The following CCDC146 variants were observed in gnomAD, a reference collection of about 807,000 sequenced individuals.
The protein encoded by CCDC146 is coiled-coil domain-containing protein 146.
In CCDC146, 92 loss-of-function variants were observed where a neutral mutation model predicts 119.3. The ratio of observed to expected loss-of-function variants is 0.77; its 90% CI spans 0.65 to 0.92. CCDC146 has a LOEUF of 0.92. Ranked by LOEUF, CCDC146 falls within the 40% of genes least tolerant of loss-of-function variation. The pLI is 0.00. For missense variants in CCDC146, 1,000 were observed against 1,103.0 expected (o/e 0.91, Z 1.32); for synonymous variants, 372 against 371.8 (o/e 1.00, Z -0.01).
chr7:77,175,290 C>T (rs1050881122), intron 2 of CCDC146, among the ~76,000 whole-genome samples: 1 of 149,998 alleles, frequency 6.7e-6, no homozygotes, highest in Non-Finnish European at 1.5e-5. Context: ...CTCTTTATTT[C>T]CTGAAAATAA....
At chr7:77,181,510 C>T (rs1584047681) in intron 2 of CCDC146, among the ~76,000 whole-genome samples, 1 of 152,240 alleles carries the variant, frequency 6.6e-6, no homozygotes, top group Non-Finnish European at 1.5e-5. Context: ...AATGTTAAAG[C>T]GGTAACTATG....
At chr7:77,183,991 A>T (rs556383607) in intron 2 of CCDC146, among the ~76,000 whole-genome samples, 1 of 152,186 alleles carries the variant, frequency 6.6e-6, no homozygotes, top group African/African-American at 2.4e-5. Flanking sequence ...TACTGAATGT[A>T]TTTCCTATAT....
At chr7:77,249,407 GAACC>G (rs1562847463) in intron 4 of CCDC146, among the ~76,000 whole-genome samples, 2 of 147,934 alleles carry the variant, frequency 1.4e-5, no homozygotes, top group African/African-American at 5.0e-5. Context: ...AGATTCTCTT[GAACC>G]CAGGAGGCGG....
chr7:77,290,705 G>C (rs1453455377), intron 17 of CCDC146, among the ~76,000 whole-genome samples: 1 of 144,160 alleles, frequency 6.9e-6, no homozygotes, highest in Non-Finnish European at 1.5e-5. Flanking sequence ...ATTTTTATTT[G>C]ATACATGCTG....
chr7:77,162,726 G>A (rs1479029254), intron 1 of CCDC146, among the ~76,000 whole-genome samples: 1 of 151,758 alleles, frequency 6.6e-6, no homozygotes, highest in Non-Finnish European at 1.5e-5. Flanking sequence ...AGATTGCTTT[G>A]TATAGTAAAC....
chr7:77,248,811 G>C (rs1159963233), intron 4 of CCDC146, among the ~76,000 whole-genome samples: 1 of 152,136 alleles, frequency 6.6e-6, no homozygotes, highest in Non-Finnish European at 1.5e-5. Flanking sequence ...CTAGCATCGT[G>C]TCCTCTCATC....
At chr7:77,243,206 AAAAAAC>A (rs1223370869) in intron 4 of CCDC146, among the ~76,000 whole-genome samples, 6 of 152,202 alleles carry the variant, frequency 3.9e-5, no homozygotes, top group East Asian at 1.9e-4. Flanking sequence ...TGCCAAGAGA[AAAAAAC>A]AAAAACAAAA....
At position 77,278,435 on chromosome 7, in the gene CCDC146, A is replaced by ATTTT. The variant is rs140968354; in HGVS notation, c.1441-295_1441-292dup. On this transcript the variant is annotated intron_variant, in intron 11 of 18. Transcript: ENST00000285871. ...GTACAACCCAGCAAGCCAAGAAATA[A>ATTTT]TTTTTTTTTTTTTTTTTTTTTTTTT... Among the ~76,000 whole-genome samples, 527 of 103,246 alleles carry ATTTT rather than the reference A, an allele frequency of 5.1e-3. 8 individuals are homozygous for ATTTT. The highest frequency in any genetic ancestry group is 0.015 in the African/African-American group (344 of 23,362). The allele number at this position is 103,246 out of a possible 152,430, so 67.7% of individuals were successfully genotyped here.
At chr7:77,290,485 A>T (rs994326990) in intron 17 of CCDC146, among the ~76,000 whole-genome samples, 1 of 152,258 alleles carries the variant, frequency 6.6e-6, no homozygotes, top group Non-Finnish European at 1.5e-5. Context: ...AAAGGCAGCA[A>T]CATTTAAAGA....
chr7:77,132,775 CAAAT>C (rs918760602), intron 1 of CCDC146, among the ~76,000 whole-genome samples: 6 of 135,568 alleles, frequency 4.4e-5, no homozygotes, highest in Admixed American at 7.1e-5. Flanking sequence ...AATAAATAAA[CAAAT>C]AAAATTAAGC....
At position 77,282,660 on chromosome 7, in the gene CCDC146, C is replaced by A. The variant is rs753472392; in HGVS notation, c.2023C>A (p.Leu675Met). 2 of 1,612,630 alleles carry A rather than the reference C, an allele frequency of 1.2e-6. No individual in the cohort carries two copies. The highest frequency in any genetic ancestry group is 2.2e-5 in the South Asian group (2 of 91,050). Reference sequence around the variant, plus strand: ...AAATGGAGAAATTGAAATACATCTACTGGAAGAAAAGATCCAATTCCTGAA... The same window carrying A: ...AAATGGAGAAATTGAAATACATCTAATGGAAGAAAAGATCCAATTCCTGAA... ...KLNGEIEIHL[L>M]EEKIQFLKMK... The change falls in exon 15 of 19, where the codon CTG becomes ATG. Residue 675 changes from leucine (L) to methionine (M), a missense_variant. Coordinates refer to ENST00000285871, the MANE Select transcript of CCDC146 (RefSeq NM_020879.3).
intron 2 of CCDC146, among the ~76,000 whole-genome samples, chr7:77,219,801 C>G (rs1275075657): frequency 6.6e-6 from 1 of 152,034 alleles, no homozygotes; most frequent in Non-Finnish European, 1.5e-5. Flanking sequence ...GCCCCCTGAG[C>G]CGCAAAACCA....
intron 2 of CCDC146, among the ~76,000 whole-genome samples, chr7:77,183,931 A>G (rs1023206770): frequency 6.6e-6 from 1 of 152,208 alleles, no homozygotes; most frequent in African/African-American, 2.4e-5. Flanking sequence ...TAAAATAATC[A>G]CATTACTGCA....
intron 2 of CCDC146, among the ~76,000 whole-genome samples, chr7:77,181,986 T>TA (rs1791596918): frequency 6.6e-6 from 1 of 152,184 alleles, no homozygotes; most frequent in African/African-American, 2.4e-5. Flanking sequence ...AAAAAGGAGA[T>TA]ATAAGCAACA....
At chr7:77,214,940 G>C (rs1792268298) in intron 2 of CCDC146, among the ~76,000 whole-genome samples, 1 of 152,002 alleles carries the variant, frequency 6.6e-6, no homozygotes, top group South Asian at 2.1e-4. Flanking sequence ...GATGTTACCT[G>C]CTATTAATAA....
intron 2 of CCDC146, among the ~76,000 whole-genome samples, chr7:77,213,117 A>G (rs1374903174): frequency 1.3e-5 from 2 of 151,522 alleles, no homozygotes; most frequent in African/African-American, 2.4e-5. Flanking sequence ...TTGAGGCAAG[A>G]TCTCACTTGG....
intron 2 of CCDC146, among the ~76,000 whole-genome samples, chr7:77,219,913 A>C (rs1010814335): frequency 9.8e-5 from 15 of 152,326 alleles, no homozygotes; most frequent in Admixed American, 9.8e-4. Flanking sequence ...TTGAGATCAC[A>C]AGGGCAGAGA....
intron 2 of CCDC146, among the ~76,000 whole-genome samples, chr7:77,231,818 G>GTTT (rs71524924): frequency 2.2e-5 from 3 of 137,882 alleles, no homozygotes; most frequent in African/African-American, 5.4e-5. Context: ...TGTTGTTGTT[G>GTTT]TTTTTTTTTT....
At position 77,196,854 on chromosome 7, in the gene CCDC146, C is replaced by T; in HGVS notation, c.156+29030C>T. The T allele has an allele frequency of 6.2e-7, 1 of 1,613,940 alleles. No individual in the cohort carries two copies. The stretch of plus-strand genomic sequence containing the variant: ...CGTGCCTGCAGCACTGTCCAGCCTC[C>T]CCCCATGGTCTCCATGTCACAGTAA... On this transcript the variant is annotated intron_variant, in intron 2 of 18. Transcript: ENST00000285871. The surrounding 1 kb of genome is among the most constrained non-coding windows in gnomAD (Gnocchi z 4.2).
Sources: gnomAD v4.1 joint callset for allele counts (sites outside exome capture counted in the v4.1 genomes callset) on GRCh38, gnomAD v4.1.1 for gene constraint, Gnocchi (gnomAD v3.1) non-coding constraint, MANE v1.5 for transcripts, NCBI Gene and HGNC (gene_info 2026-07-23, HGNC 2026-07-21) for gene names.